The following CTNND2 variants were observed in gnomAD, a reference collection of about 807,000 sequenced individuals.
CTNND2 encodes the protein catenin delta 2.
Under a neutral mutation model 144.4 loss-of-function variants are expected in CTNND2, and 22 were observed. The ratio of observed to expected loss-of-function variants is 0.15; its 90% confidence interval spans 0.11 to 0.22. CTNND2 has a LOEUF of 0.22. CTNND2 is among the 10% of genes least tolerant of loss of function. The pLI is 1.00. For missense variants in CTNND2, 1,353 were observed against 1,618.8 expected (o/e 0.84, Z 2.82); for synonymous variants, 751 against 695.6 (o/e 1.08, Z -1.25).
chr5:11,083,799 TC>T, intron 15 of CTNND2: 1 of 699,900 alleles, frequency 1.4e-6, no homozygotes, highest in Middle Eastern at 6.2e-4. Flanking sequence ...TGGGGACCAG[TC>T]CTTTCCCACC....
Position 11,159,545 on chromosome 5 carries a change from T to C in CTNND2, c.2159+31A>G, listed in dbSNP as rs1990003. 0.54 allele frequency: 834,150 copies of C among 1,544,212 alleles called. 233,190 individuals are homozygous for C. The highest frequency in any genetic ancestry group is 0.58 in the Admixed American group (31,627 of 54,748). On this transcript the variant is annotated intron_variant, in intron 12 of 21. Coordinates refer to ENST00000304623, the MANE Select transcript of CTNND2 (RefSeq NM_001332.4). ...ACAGTGTCTGGCCAGGGGAAGATGG[T>C]GGGAGGAGGCACTCGTGACACAGGA... is the stretch of plus-strand genomic sequence containing the variant.
intron 2 of CTNND2, among the ~76,000 whole-genome samples, chr5:11,654,725 T>A (rs566866971): frequency 6.6e-6 from 1 of 152,108 alleles, no homozygotes; most frequent in Admixed American, 6.5e-5. Flanking sequence ...AATATGGATG[T>A]CTTTTGTTTC....
intron 3 of CTNND2, among the ~76,000 whole-genome samples, chr5:11,554,440 G>A (rs1402534231): frequency 6.6e-6 from 1 of 152,122 alleles, no homozygotes; most frequent in African/African-American, 2.4e-5. Context: ...GCATGTGCTT[G>A]GGGAGTACAG....
intron 3 of CTNND2, among the ~76,000 whole-genome samples, chr5:11,526,616 T>C (rs1773270667): frequency 6.6e-6 from 1 of 152,196 alleles, no homozygotes; most frequent in Non-Finnish European, 1.5e-5. Flanking sequence ...TCTAAGCATT[T>C]TGTTATGTAT....
intron 5 of CTNND2, among the ~76,000 whole-genome samples, chr5:11,404,853 G>C (rs2149828000): frequency 6.6e-6 from 1 of 152,034 alleles, no homozygotes; most frequent in Non-Finnish European, 1.5e-5. Context: ...CAAGTGATCT[G>C]CCTGCCTTGG....
chr5:11,442,408 A>G (rs546691981), intron 3 of CTNND2, among the ~76,000 whole-genome samples: 30 of 152,220 alleles, frequency 2.0e-4, no homozygotes, highest in Non-Finnish European at 3.2e-4. Context: ...TTATGAAAAT[A>G]CAACTAACAC....
intron 9 of CTNND2, among the ~76,000 whole-genome samples, chr5:11,323,384 T>C (rs1752238188): frequency 6.6e-6 from 1 of 152,112 alleles, no homozygotes; most frequent in South Asian, 2.1e-4. Flanking sequence ...CTCTGGCTCT[T>C]AAATTCAAAG....
At chr5:11,651,064 T>G (rs549692531) in intron 2 of CTNND2, among the ~76,000 whole-genome samples, 1 of 152,296 alleles carries the variant, frequency 6.6e-6, no homozygotes, top group East Asian at 1.9e-4. Context: ...CTTGAAGGCA[T>G]TTCACAGAAC....
At chr5:11,677,904 AG>A in intron 2 of CTNND2, among the ~76,000 whole-genome samples, 1 of 152,304 alleles carries the variant, frequency 6.6e-6, no homozygotes, top group South Asian at 2.1e-4. Context: ...AGAACACTGC[AG>A]GAGTTCCACT....
At chr5:11,119,763 T>C (rs1753894789) in intron 12 of CTNND2, among the ~76,000 whole-genome samples, 1 of 152,204 alleles carries the variant, frequency 6.6e-6, no homozygotes, top group South Asian at 2.1e-4. Flanking sequence ...CAAGTTAGCA[T>C]TTCCAAATAG....
At chr5:11,153,150 C>T (rs1330321776) in intron 12 of CTNND2, among the ~76,000 whole-genome samples, 1 of 151,974 alleles carries the variant, frequency 6.6e-6, no homozygotes, top group Non-Finnish European at 1.5e-5. Flanking sequence ...TAGTCCCAGG[C>T]ACTCGGGAGG....
At chr5:11,309,984 C>T (rs916360605) in intron 9 of CTNND2, among the ~76,000 whole-genome samples, 1 of 152,128 alleles carries the variant, frequency 6.6e-6, no homozygotes, top group Non-Finnish European at 1.5e-5. Flanking sequence ...GGGGCCTCCC[C>T]AGCCCTGCTT....
chr5:11,173,194 C>T (rs1026152859), intron 11 of CTNND2, among the ~76,000 whole-genome samples: 6 of 152,260 alleles, frequency 3.9e-5, no homozygotes, highest in Non-Finnish European at 5.9e-5. Context: ...CAGCCAACCA[C>T]AGGGTTCAGC....
At chr5:11,888,898 C>A (rs896123318) in intron 1 of CTNND2, among the ~76,000 whole-genome samples, 1 of 151,938 alleles carries the variant, frequency 6.6e-6, no homozygotes, top group African/African-American at 2.4e-5. Flanking sequence ...ATTACAGGCA[C>A]GTACCACCAT....
At chr5:11,480,646 A>ATATGTGTGTGTGTG (rs987450261) in intron 3 of CTNND2, among the ~76,000 whole-genome samples, 1 of 149,056 alleles carries the variant, frequency 6.7e-6, no homozygotes, top group Non-Finnish European at 1.5e-5. Context: ...AAATACATAT[A>ATATGTGTGTGTGTG]TGTGTGTGTG....
At chr5:11,842,199 T>G (rs577647729) in intron 1 of CTNND2, among the ~76,000 whole-genome samples, 208 of 152,032 alleles carry the variant, frequency 1.4e-3, no homozygotes, top group African/African-American at 4.6e-3. Context: ...GATGGTATTG[T>G]GTAAATAGTG....
chr5:11,101,971 G>C (rs964795687), intron 14 of CTNND2, among the ~76,000 whole-genome samples: 2 of 151,236 alleles, frequency 1.3e-5, no homozygotes, highest in African/African-American at 4.9e-5. Context: ...AAGCAGAATA[G>C]AGAAAGTGAG....
At chr5:11,517,304 A>G (rs1772253939) in intron 3 of CTNND2, among the ~76,000 whole-genome samples, 1 of 152,246 alleles carries the variant, frequency 6.6e-6, no homozygotes, top group Non-Finnish European at 1.5e-5. Context: ...AATATTAAAA[A>G]GCCAGGCTTT....
chr5:11,515,740 C>T (rs27444), intron 3 of CTNND2, among the ~76,000 whole-genome samples: 92,195 of 152,002 alleles, frequency 0.61, 28,841 homozygotes, highest in African/African-American at 0.74. Context: ...AATTTAAATA[C>T]TCAAAGGTAC....
Sources: gnomAD v4.1 joint callset for allele counts (sites outside exome capture counted in the v4.1 genomes callset) on GRCh38, gnomAD v4.1.1 for gene constraint, MANE v1.5 for transcripts, NCBI Gene and HGNC (gene_info 2026-07-23, HGNC 2026-07-21) for gene names.